REL: variants seen among roughly 807,000 people sequenced by gnomAD.
REL encodes the protein REL proto-oncogene, NF-kB subunit.
Under a neutral mutation model 45.9 loss-of-function variants are expected in REL, and 15 were observed. The ratio of observed to expected loss-of-function variants is 0.33; its 90% CI spans 0.22 to 0.50. The LOEUF (loss-of-function observed/expected upper bound fraction) is 0.50. REL is among the 20% of genes least tolerant of loss of function. The pLI is 0.98. For missense variants in REL, 601 were observed against 715.2 expected (o/e 0.84, Z 1.82); for synonymous variants, 239 against 242.1 (o/e 0.99, Z 0.12).
rs1376783093 is a variant in REL at position 60,884,088 on chromosome 2, G to A, written c.10+2238G>A. Among the ~76,000 whole-genome samples, 17 of 147,612 alleles carry A rather than the reference G, an allele frequency of 1.2e-4. No homozygotes were observed. In the Middle Eastern group the frequency reaches 0.011, roughly 94 times the overall value. On this transcript the variant is annotated intron_variant, in intron 1 of 9. Transcript: ENST00000394479. ...TCTGTTTTGAAACAGTAATTTAACC[G>A]GAAGAGTGACCAAAAAAAAAAAAAA...
At position 60,921,866 on chromosome 2, in the gene REL, A is replaced by G. The variant is rs1396386136; in HGVS notation, c.1095A>G (p.Gly365=). ...YYPSPGPISS[G]LSHHASMAPL... ...CCTCACCTGGGCCCATCTCAAGTGG[A>G]TTGTCACATCATGCCTCAATGGCAC... The change falls in exon 10 of 10, where the codon GGA becomes GGG. Residue 365 remains glycine (G), a synonymous_variant. Transcript: ENST00000394479. 1 of 1,614,102 alleles carries G rather than the reference A, an allele frequency of 6.2e-7. No homozygotes were observed. The highest frequency in any genetic ancestry group is 1.1e-5 in the South Asian group (1 of 91,088).
At chr2:60,892,997 A>G (rs842645) in intron 2 of REL, among the ~76,000 whole-genome samples, 2 of 152,076 alleles carry the variant, frequency 1.3e-5, no homozygotes, top group Admixed American at 6.5e-5. Context: ...TCGTGATCCG[A>G]CTGCCTTGGT....
At chr2:60,907,007 C>A (rs1178775751) in intron 4 of REL, among the ~76,000 whole-genome samples, 5 of 150,880 alleles carry the variant, frequency 3.3e-5, no homozygotes, top group Non-Finnish European at 5.9e-5. Flanking sequence ...GCAACCTCCA[C>A]CTCCCAGGTT....
intron 1 of REL, among the ~76,000 whole-genome samples, chr2:60,891,474 T>C (rs1283525195): frequency 6.6e-6 from 1 of 152,192 alleles, no homozygotes; most frequent in African/African-American, 2.4e-5. Context: ...ATGACTTGTT[T>C]TGACACTACA....
Position 60,881,774 on chromosome 2 carries a change from AC to A in REL, c.-66del. The A allele has an allele frequency of 6.7e-7, 1 of 1,487,806 alleles. No homozygotes were observed. Among genetic ancestry groups the A allele is most frequent in the Non-Finnish European group, 9.1e-7 (1 of 1,104,568 alleles). 92.2% of individuals were successfully genotyped at this position (1,487,806 alleles called of 1,614,324 possible). On this transcript the variant is annotated 5_prime_UTR_variant, in exon 1 of 10. It adds an upstream start codon to the 5' untranslated region. Coordinates refer to ENST00000394479, the MANE Select transcript of REL (RefSeq NM_001291746.2). ...CAGAGGTCCCTCGGCCTCCTGACTG[AC>A]TGACTGCGGCCGCCTCCGGCCAGGA...
chr2:60,919,642 C>G (rs1432171210), intron 7 of REL, among the ~76,000 whole-genome samples: 1 of 152,092 alleles, frequency 6.6e-6, no homozygotes, highest in Non-Finnish European at 1.5e-5. Context: ...CCAGGCTGGT[C>G]TCAAACTCCT....
chr2:60,928,957 T>A lies in REL; in HGVS notation c.*6422T>A, dbSNP rs1674328525. 1 of 147,806 alleles carries A rather than the reference T, an allele frequency of 6.8e-6. No homozygotes were observed. The highest frequency in any genetic ancestry group is 1.5e-5 in the Non-Finnish European group (1 of 65,664). The allele number at this position is 147,806 out of a possible 1,614,324, so 9.2% of individuals were successfully genotyped here. A position where few individuals can be genotyped will look rare whatever the true frequency, so the allele number is the denominator to read the frequency against. On this transcript the variant is annotated 3_prime_UTR_variant, in exon 10 of 10. Transcript: ENST00000394479. Reference sequence around the variant, plus strand: ...AAGGGCTAATATCCAGAATCTACAATGAACTCAAACAAATTTACAAGAAAA... The same window carrying A: ...AAGGGCTAATATCCAGAATCTACAAAGAACTCAAACAAATTTACAAGAAAA...
chr2:60,908,219 C>A (rs2103961934), intron 4 of REL, among the ~76,000 whole-genome samples: 1 of 152,206 alleles, frequency 6.6e-6, no homozygotes, highest in Non-Finnish European at 1.5e-5. Context: ...GTGATGGAAT[C>A]TTGTTTCCAT....
At chr2:60,904,793 G>A (rs1673596738) in intron 4 of REL, among the ~76,000 whole-genome samples, 1 of 152,064 alleles carries the variant, frequency 6.6e-6, no homozygotes, top group Non-Finnish European at 1.5e-5. Flanking sequence ...AGGAGGCCGA[G>A]GTAGGAAAAT....
At chr2:60,888,822 A>C (rs1296628212) in intron 1 of REL, among the ~76,000 whole-genome samples, 2 of 152,166 alleles carry the variant, frequency 1.3e-5, no homozygotes, top group African/African-American at 4.8e-5. Flanking sequence ...ATTTCTCTTA[A>C]CCCTACTGTT....
chr2:60,893,649 A>G (rs1673277950), intron 2 of REL, among the ~76,000 whole-genome samples: 1 of 152,164 alleles, frequency 6.6e-6, no homozygotes, highest in Non-Finnish European at 1.5e-5. Flanking sequence ...TTACTTTCAA[A>G]TTCTATTTAA....
chr2:60,921,690 C>G (rs1173112132), intron 9 of REL, 73 bp from the exon 10 acceptor site: 3 of 1,306,350 alleles, frequency 2.3e-6, no homozygotes, highest in Non-Finnish European at 3.2e-6. Flanking sequence ...TGTGCTTATG[C>G]AATTTTAATT....
chr2:60,882,886 C>T (rs1275189308), intron 1 of REL, among the ~76,000 whole-genome samples: 2 of 152,124 alleles, frequency 1.3e-5, no homozygotes, highest in Non-Finnish European at 2.9e-5. Context: ...AATGCTCGAT[C>T]TCTCCCTTTG....
rs1674258340 is a variant in REL, at chr2:60,925,955, T to G, written c.*3420T>G. ...TTCTGCTACCTCTGTGTGTAGAATA[T>G]TCCCAATGGATTTTTCATTTTTCAG... On this transcript the variant is annotated 3_prime_UTR_variant, in exon 10 of 10. Transcript: ENST00000394479. 1 of 225,996 alleles carries G rather than the reference T, an allele frequency of 4.4e-6. No individual in the cohort carries two copies. Among genetic ancestry groups the G allele is most frequent in the South Asian group, 1.8e-4 (1 of 5,488 alleles). 14.0% of individuals were successfully genotyped at this position (225,996 alleles called of 1,614,324 possible). A position where few individuals can be genotyped will look rare whatever the true frequency, so the allele number is the denominator to read the frequency against.
In REL at chr2:60,923,392, G is replaced by T. The variant is rs369668283; in HGVS notation, c.*857G>T. On this transcript the variant is annotated 3_prime_UTR_variant, in exon 10 of 10. Coordinates refer to ENST00000394479, the MANE Select transcript of REL (RefSeq NM_001291746.2). ...TTTAGCTGTACACTCATTTTTTAAG[G>T]GGAAGAAGTTTCCTTGGACCATTCG... is the stretch of plus-strand genomic sequence containing the variant. The T allele has an allele frequency of 5.6e-5, 13 of 230,960 alleles. No homozygotes were observed. Among genetic ancestry groups the T allele is most frequent in the East Asian group, 5.5e-4 (9 of 16,386 alleles). 14.3% of individuals were successfully genotyped at this position (230,960 alleles called of 1,614,324 possible).
intron 9 of REL, 42 bp from the exon 10 acceptor site, chr2:60,921,721 T>G: frequency 6.6e-7 from 1 of 1,516,148 alleles, no homozygotes; most frequent in Non-Finnish European, 8.9e-7. Context: ...TTTTATAATT[T>G]TGTTCATTTT....
Position 60,918,558 on chromosome 2 carries a change from C to A in REL, c.805C>A (p.Gln269Lys). 6.2e-7 allele frequency: 1 copy of A among 1,613,928 alleles called. No individual in the cohort carries two copies. Among genetic ancestry groups the A allele is most frequent in the Non-Finnish European group, 8.5e-7 (1 of 1,179,938 alleles). Residue 269 changes from glutamine to lysine, a missense_variant, in exon 7 of 10, where the codon CAG becomes AAG. Gln to Lys is a moderately conservative substitution (Grantham distance 53, BLOSUM62 1). This residue lies in a region of REL where 241 missense variants were observed against 347.0 expected (regional missense o/e 0.69). Transcript: ENST00000394479. The stretch of plus-strand genomic sequence containing the variant: ...AATGCAGTTGCGGAGACCTTCTGAC[C>A]AGGAAGTTAGTGAATCTATGGATTT... ...VKMQLRRPSD[Q>K]EVSESMDFRY... is the part of the protein sequence containing the mutation.
Position 60,922,174 on chromosome 2 carries a change from C to G in REL, c.1403C>G (p.Thr468Arg). The change falls in exon 10 of 10, where the codon ACA (threonine) becomes AGA (arginine). Residue 468 changes from threonine to arginine, a missense_variant. Thr to Arg is a moderately conservative substitution (Grantham distance 71, BLOSUM62 -1). This residue lies in a region of REL where 334 missense variants were observed against 333.1 expected (regional missense o/e 1.00). Coordinates refer to ENST00000394479, the MANE Select transcript of REL (RefSeq NM_001291746.2). ...MLSNCSVNMM[T>R]TSSDSMGETD... The stretch of plus-strand genomic sequence containing the variant: ...TCTAATTGTTCTGTGAATATGATGA[C>G]AACCAGCAGTGACAGCATGGGAGAG... 6.2e-7 allele frequency: 1 copy of G among 1,614,164 alleles called. No homozygotes were observed. The highest frequency in any genetic ancestry group is 8.5e-7 in the Non-Finnish European group (1 of 1,180,018).
chr2:60,888,138 A>G (rs1673114523), intron 1 of REL, among the ~76,000 whole-genome samples: 1 of 152,088 alleles, frequency 6.6e-6, no homozygotes, highest in Admixed American at 6.6e-5. Flanking sequence ...CATGTTTTCC[A>G]GGCTGGTCTG....
Sources: gnomAD v4.1 joint callset for allele counts (sites outside exome capture counted in the v4.1 genomes callset) on GRCh38, gnomAD v4.1.1 for gene constraint, gnomAD v4.1.1 regional missense constraint, MANE v1.5 for transcripts, NCBI Gene and HGNC (gene_info 2026-07-23, HGNC 2026-07-21) for gene names.